CNTN6: variants seen among roughly 807,000 people sequenced by gnomAD.
CNTN6 encodes contactin 6.
CNTN6 carries 137 observed loss-of-function variants against 122.8 expected under a neutral mutation model. The ratio of observed to expected loss-of-function variants is 1.12; its 90% confidence interval spans 0.97 to 1.29. The LOEUF is 1.29. Ranked by LOEUF, CNTN6 falls within the 50% of genes most tolerant of loss-of-function variation. The probability of loss-of-function intolerance (pLI) is 0.00; values close to 1 mark genes in which losing one functional copy is unlikely to be tolerated. For synonymous variants in CNTN6, 570 were observed against 426.0 expected, an observed-to-expected ratio of 1.34 and a Z score of -4.16; for missense variants, 1,634 against 1,223.4, an observed-to-expected ratio of 1.34 and a Z score of -5.01.
At chr3:1,102,273 C>T (rs75563897) in intron 1 of CNTN6, among the ~76,000 whole-genome samples, 1 of 152,088 alleles carries the variant, frequency 6.6e-6, no homozygotes, top group Non-Finnish European at 1.5e-5. Flanking sequence ...TTCTAAATAG[C>T]AGGAGTGCAA....
At chr3:1,402,663 C>A in intron 22 of CNTN6, 177 bp downstream of exon 22, 1 of 525,236 alleles carries the variant, frequency 1.9e-6, no homozygotes, top group Non-Finnish European at 3.4e-6. Flanking sequence ...TTATAACATA[C>A]ACTATAAATG....
intron 2 of CNTN6, among the ~76,000 whole-genome samples, chr3:1,186,874 T>C (rs535847177): frequency 1.3e-5 from 2 of 151,774 alleles, no homozygotes; most frequent in South Asian, 2.1e-4. Context: ...TAAACTGCCC[T>C]TGACAGTATG....
intron 1 of CNTN6, among the ~76,000 whole-genome samples, chr3:1,094,768 T>C (rs568203689): frequency 2.0e-5 from 3 of 152,154 alleles, no homozygotes; most frequent in African/African-American, 7.2e-5. Context: ...TCTGGGTTTT[T>C]TTTTTAGTAA....
At chr3:1,342,475 T>C (rs1370367152) in intron 11 of CNTN6, among the ~76,000 whole-genome samples, 2 of 152,250 alleles carry the variant, frequency 1.3e-5, no homozygotes, top group Non-Finnish European at 2.9e-5. Context: ...ACATAGCAAA[T>C]TGGATTTATT....
At chr3:1,324,938 G>T (rs975907142) in intron 8 of CNTN6, among the ~76,000 whole-genome samples, 1 of 140,240 alleles carries the variant, frequency 7.1e-6, no homozygotes, top group African/African-American at 3.3e-5. Flanking sequence ...AAAGCATCTG[G>T]CTTGCCACAG....
chr3:1,193,957 A>G (rs2093738473), intron 2 of CNTN6, among the ~76,000 whole-genome samples: 1 of 152,122 alleles, frequency 6.6e-6, no homozygotes, highest in South Asian at 2.1e-4. Context: ...GAAATGCCTC[A>G]TGGCTTTTAT....
In CNTN6 at chr3:1,394,162, A is replaced by G. The variant is rs1349286011; in HGVS notation, c.2705-7271A>G. 7.7e-5 allele frequency: 15 copies of G among 196,012 alleles called. No individual in the cohort carries two copies. The South Asian group carries it at 1.1e-3, about 14-fold the overall frequency. The allele number at this position is 196,012 out of a possible 1,614,324, so 12.1% of individuals were successfully genotyped here. On this transcript the variant is annotated intron_variant, in intron 20 of 22. Coordinates refer to ENST00000446702, the MANE Select transcript of CNTN6 (RefSeq NM_001289080.2). Reference sequence around the variant, plus strand: ...GCCCAGGCCTCAGCTACATAGGAGAACTGCTCCTTGCTGCTGGGCCAGTAG... The same window carrying G: ...GCCCAGGCCTCAGCTACATAGGAGAGCTGCTCCTTGCTGCTGGGCCAGTAG...
intron 12 of CNTN6, among the ~76,000 whole-genome samples, chr3:1,363,852 G>A (rs1164130844): frequency 6.6e-6 from 1 of 151,792 alleles, no homozygotes; most frequent in Non-Finnish European, 1.5e-5. Flanking sequence ...TTCCATAATA[G>A]CTGTACCAAT....
At chr3:1,250,273 C>CT (rs1024031038) in intron 4 of CNTN6, among the ~76,000 whole-genome samples, 39 of 152,190 alleles carry the variant, frequency 2.6e-4, no homozygotes, top group African/African-American at 9.4e-4. Flanking sequence ...AAACACAACA[C>CT]TGGCATTTCA....
At chr3:1,371,277 T>G (rs1193242169) in intron 12 of CNTN6, among the ~76,000 whole-genome samples, 2 of 152,220 alleles carry the variant, frequency 1.3e-5, no homozygotes, top group African/African-American at 4.8e-5. Flanking sequence ...CTTTATCTTA[T>G]AAATTACCCA....
chr3:1,102,649 A>AC (rs746301352), intron 1 of CNTN6, among the ~76,000 whole-genome samples: 31 of 149,846 alleles, frequency 2.1e-4, no homozygotes, highest in East Asian at 3.9e-4. Flanking sequence ...AATGGCGGGA[A>AC]CCCGGGGGGC....
chr3:1,387,533 G>A (rs1382719479), intron 20 of CNTN6, among the ~76,000 whole-genome samples: 1 of 152,172 alleles, frequency 6.6e-6, no homozygotes, highest in East Asian at 1.9e-4. Context: ...ACTGAGAGAT[G>A]CCAAACTCAC....
chr3:1,277,618 C>T (rs959461840), intron 4 of CNTN6, among the ~76,000 whole-genome samples: 1 of 152,048 alleles, frequency 6.6e-6, no homozygotes, highest in Non-Finnish European at 1.5e-5. Context: ...GACTCAGCCT[C>T]CCAAAGTGCT....
Position 1,317,960 on chromosome 3 carries a change from C to T in CNTN6, c.762-3690C>T, listed in dbSNP as rs911589646. On this transcript the variant is annotated intron_variant, in intron 7 of 22. Transcript: ENST00000446702. Reference sequence around the variant, plus strand: ...CCAGGACATTAATTCTTGTAACCATCTTCAAAATGGAACAATATAACTTTT... The same window carrying T: ...CCAGGACATTAATTCTTGTAACCATTTTCAAAATGGAACAATATAACTTTT... Among the ~76,000 whole-genome samples the T allele has an allele frequency of 5.3e-5, 8 of 150,594 alleles. No homozygotes were observed. In the East Asian group the frequency reaches 1.2e-3, roughly 22 times the overall value.
chr3:1,376,946 T>C, intron 16 of CNTN6, 59 bp from the exon 17 acceptor site: 1 of 1,168,610 alleles, frequency 8.6e-7, no homozygotes, highest in South Asian at 1.3e-5. Flanking sequence ...AACAAAATTC[T>C]TCCTGATGAA....
At chr3:1,335,896 C>T (rs1332314609) in intron 11 of CNTN6, among the ~76,000 whole-genome samples, 1 of 151,900 alleles carries the variant, frequency 6.6e-6, no homozygotes, top group African/African-American at 2.4e-5. Flanking sequence ...TGGGGTGGAA[C>T]ATGGTGGCAC....
chr3:1,242,869 G>A (rs2094504903), intron 4 of CNTN6, among the ~76,000 whole-genome samples: 2 of 152,246 alleles, frequency 1.3e-5, no homozygotes, highest in Admixed American at 1.3e-4. Context: ...GAGTTTTCAG[G>A]GGTTTTGAAG....
At chr3:1,324,406 G>T (rs265786) in intron 8 of CNTN6, among the ~76,000 whole-genome samples, 68,583 of 148,954 alleles carry the variant, frequency 0.46, 18,804 homozygotes, top group East Asian at 0.7. Flanking sequence ...AGCACTGTGC[G>T]TTGTAGATGT....
intron 7 of CNTN6, among the ~76,000 whole-genome samples, chr3:1,307,282 G>T (rs1001184412): frequency 3.3e-5 from 5 of 152,134 alleles, no homozygotes; most frequent in Admixed American, 3.3e-4. Context: ...ACTGGAGAGG[G>T]TCACTGTCAT....
Sources: gnomAD v4.1 joint callset for allele counts (sites outside exome capture counted in the v4.1 genomes callset) on GRCh38, gnomAD v4.1.1 for gene constraint, MANE v1.5 for transcripts, NCBI Gene and HGNC (gene_info 2026-07-23, HGNC 2026-07-21) for gene names.